FRY: variants seen among roughly 807,000 people sequenced by gnomAD.
FRY encodes the protein FRY microtubule binding protein.
A neutral mutation model predicts 348.4 loss-of-function variants in FRY; 128 were observed. That is an observed-to-expected ratio of 0.37 (90% CI 0.32 to 0.43). The LOEUF (loss-of-function observed/expected upper bound fraction) is 0.43. FRY is among the 20% of genes least tolerant of loss of function. The pLI, the probability that FRY is intolerant of heterozygous loss-of-function variation, is 1.00. For synonymous variants in FRY, 1,370 were observed against 1,374.7 expected, an observed-to-expected ratio of 1.00 and a Z score of 0.08; for missense variants, 2,736 against 3,695.2, an observed-to-expected ratio of 0.74 and a Z score of 6.73.
chr13:32,251,787 G>T (rs1244131945), intron 49 of FRY, 91 bp from the exon 50 acceptor site: 11 of 798,888 alleles, frequency 1.4e-5, no homozygotes, highest in South Asian at 4.0e-5. Flanking sequence ...TACGTTAAGT[G>T]CTATTGCCCT....
At position 32,237,289 on chromosome 13, in the gene FRY, C is replaced by T. The variant is rs748977482; in HGVS notation, c.5811-90C>T. On this transcript the variant is annotated intron_variant, in intron 43 of 60. Coordinates refer to ENST00000542859, the MANE Select transcript of FRY (RefSeq NM_023037.3). This position sits in a 1 kb window ranked among gnomAD's most constrained non-coding sequence, Gnocchi z 6.3. ...GTGGCATTTCTAAAGAATGATTTCCCTCCTGCAGTGTTTCTCAGTGGACTT... is the reference window on the plus strand; with the variant it reads ...GTGGCATTTCTAAAGAATGATTTCCTTCCTGCAGTGTTTCTCAGTGGACTT... 3.2e-5 allele frequency: 39 copies of T among 1,231,880 alleles called. 1 individual carries two copies. The highest frequency in any genetic ancestry group is 3.9e-5 in the Non-Finnish European group (33 of 844,518). 76.3% of individuals were successfully genotyped at this position (1,231,880 alleles called of 1,614,324 possible).
chr13:32,288,132 T>C (rs1323412395), intron 58 of FRY, among the ~76,000 whole-genome samples: 1 of 152,238 alleles, frequency 6.6e-6, no homozygotes, highest in Non-Finnish European at 1.5e-5. Context: ...ATTACCATGA[T>C]TTGGCACTTA....
chr13:32,124,491 T>C, intron 5 of FRY, 111 bp from the exon 6 acceptor site: 1 of 865,630 alleles, frequency 1.2e-6, no homozygotes, highest in South Asian at 1.4e-5. Context: ...CTGGGTTATA[T>C]GACTTATGTT....
intron 7 of FRY, among the ~76,000 whole-genome samples, chr13:32,131,256 C>T (rs527919281): frequency 6.6e-6 from 1 of 152,344 alleles, no homozygotes; most frequent in African/African-American, 2.4e-5. Context: ...ATATCATTTG[C>T]TGTCCCTGTC....
chr13:32,227,581 C>T (rs1320757367), intron 39 of FRY, among the ~76,000 whole-genome samples: 3 of 152,144 alleles, frequency 2.0e-5, no homozygotes, highest in African/African-American at 7.2e-5. Context: ...AATGAAGAAA[C>T]AGTATTTGCT....
chr13:32,138,323 A>G (rs1035326525), intron 11 of FRY, among the ~76,000 whole-genome samples: 1 of 152,246 alleles, frequency 6.6e-6, no homozygotes, highest in Admixed American at 6.5e-5. Context: ...GAGAGTGCTT[A>G]TAGTGCAGTT....
chr13:32,091,662 C>T (rs1348514967), intron 2 of FRY, among the ~76,000 whole-genome samples: 3 of 152,212 alleles, frequency 2.0e-5, no homozygotes, highest in Non-Finnish European at 4.4e-5. Context: ...AAGCTCACCA[C>T]TAGGCATCTT....
chr13:32,180,110 G>T (rs932341031), intron 23 of FRY, among the ~76,000 whole-genome samples: 1 of 152,174 alleles, frequency 6.6e-6, no homozygotes, highest in African/African-American at 2.4e-5. Context: ...ACTGTTCAGA[G>T]GTTATCACAT....
chr13:32,118,795 A>G (rs533129359), intron 4 of FRY, among the ~76,000 whole-genome samples: 1 of 152,310 alleles, frequency 6.6e-6, no homozygotes, highest in South Asian at 2.1e-4. Context: ...TAAAAATAGA[A>G]TTTAAATTGT....
intron 7 of FRY, among the ~76,000 whole-genome samples, chr13:32,129,387 T>C (rs1336290896): frequency 1.3e-5 from 2 of 152,252 alleles, no homozygotes; most frequent in Non-Finnish European, 2.9e-5. Context: ...AAATAGATTT[T>C]TGTAAATTTA....
chr13:32,289,716 G>C lies in FRY; in HGVS notation c.8553G>C (p.Gln2851His). The change falls in exon 59 of 61, where the codon CAG becomes CAC. Residue 2851 changes from glutamine to histidine, a missense_variant. Physicochemically the swap from Gln to His is conservative, Grantham distance 24 (BLOSUM62 0). This residue lies in a region of FRY where 157 missense variants were observed against 215.2 expected (regional missense o/e 0.73). Coordinates refer to ENST00000542859, the MANE Select transcript of FRY (RefSeq NM_023037.3). ...LFQSYCKLIG[Q>H]VHEVSSMPEL... ...AGTCCTACTGTAAGCTCATCGGCCA[G>C]GTGCACGAAGTTAGCTCCATGCCAG... 1.2e-6 allele frequency: 2 copies of C among 1,610,198 alleles called. No homozygotes were observed. The highest frequency in any genetic ancestry group is 1.7e-6 in the Non-Finnish European group (2 of 1,176,448).
chr13:32,090,529 T>C (rs1393164597), intron 2 of FRY, among the ~76,000 whole-genome samples: 1 of 151,772 alleles, frequency 6.6e-6, no homozygotes, highest in Non-Finnish European at 1.5e-5. Context: ...CTGAAGGAGA[T>C]AGGAAAAGAT....
At chr13:32,128,623 C>T (rs1428745277) in intron 7 of FRY, among the ~76,000 whole-genome samples, 1 of 152,218 alleles carries the variant, frequency 6.6e-6, no homozygotes, top group Non-Finnish European at 1.5e-5. Context: ...GTTTGAGTCT[C>T]TTCTTTGCCA....
At chr13:32,228,790 T>C (rs1885751546) in intron 40 of FRY, 136 bp downstream of exon 40, 3 of 768,258 alleles carry the variant, frequency 3.9e-6, no homozygotes, top group Non-Finnish European at 7.0e-6. Context: ...TTGCAACTGC[T>C]GGAGTCTGTG....
intron 4 of FRY, among the ~76,000 whole-genome samples, chr13:32,118,777 T>G (rs948894156): frequency 1.3e-5 from 2 of 152,182 alleles, no homozygotes; most frequent in African/African-American, 4.8e-5. Context: ...TTTTAATTTA[T>G]CAGGTTTTAA....
At chr13:32,292,992 G>A (rs1414420318) in intron 59 of FRY, among the ~76,000 whole-genome samples, 2 of 152,104 alleles carry the variant, frequency 1.3e-5, no homozygotes, top group African/African-American at 4.8e-5. Context: ...GCATTTTTTA[G>A]CACTGAAGTG....
rs763554322 is a variant in FRY, at chr13:32,209,025, T to G, written c.4191T>G (p.Ala1397=). ...EVKDREGDVT[A]SHGLRGNGWG... is the part of the protein sequence containing the mutation. Reference sequence around the variant, plus strand: ...AGGACCGGGAAGGTGACGTGACTGCTTCTCACGGGCTGAGAGGAAATGGCT... The same window carrying G: ...AGGACCGGGAAGGTGACGTGACTGCGTCTCACGGGCTGAGAGGAAATGGCT... Residue 1397 remains alanine, a synonymous_variant, in exon 32 of 61, where the codon GCT becomes GCG. Transcript: ENST00000542859. 1 of 1,614,204 alleles carries G rather than the reference T, an allele frequency of 6.2e-7. No homozygotes were observed. The highest frequency in any genetic ancestry group is 1.1e-5 in the South Asian group (1 of 91,084).
chr13:32,130,197 C>T (rs556658112), intron 7 of FRY, among the ~76,000 whole-genome samples: 14 of 151,896 alleles, frequency 9.2e-5, no homozygotes, highest in Admixed American at 4.6e-4. Flanking sequence ...CACACCACCA[C>T]GCCCGGCTAA....
At chr13:32,222,607 G>A (rs1192732107) in intron 36 of FRY, among the ~76,000 whole-genome samples, 1 of 152,228 alleles carries the variant, frequency 6.6e-6, no homozygotes, top group African/African-American at 2.4e-5. Flanking sequence ...TGCAAGAGAG[G>A]ATGGTGGCTT....
Sources: allele counts gnomAD v4.1 joint callset (sites outside exome capture counted in the v4.1 genomes callset), GRCh38; gene constraint gnomAD v4.1.1; regional missense constraint gnomAD v4.1.1; non-coding constraint Gnocchi (gnomAD v3.1); transcripts MANE v1.5; gene names NCBI Gene and HGNC (gene_info 2026-07-23, HGNC 2026-07-21).